Variants in ESPN observed in about 807,000 individuals in gnomAD.
ESPN encodes the protein espin, also known as autosomal recessive deafness type 36 protein.
ESPN carries 68 observed loss-of-function variants against 77.7 expected under a neutral mutation model. That is an observed-to-expected ratio of 0.87 (90% CI 0.72 to 1.07). The LOEUF (loss-of-function observed/expected upper bound fraction) is 1.07, where lower values mean the gene tolerates loss of function less well. Among genes scored for constraint, ESPN ranks in the 50% least tolerant of loss-of-function variants. The pLI is 0.00. For missense variants in ESPN, 1,060 were observed against 1,239.0 expected (o/e 0.86, Z 2.17); for synonymous variants, 449 against 567.1 (o/e 0.79, Z 2.96).
chr1:6,451,619 C>A lies in ESPN; in HGVS notation c.1932C>A (p.Asn644Lys). The change falls in exon 9 of 13, where the codon AAC becomes AAA. Residue 644 changes from asparagine to lysine, a missense_variant. Around this residue, in one of 3 missense-constraint regions of ESPN, gnomAD observed 374 missense variants for 381.4 expected, o/e 0.98. Coordinates refer to ENST00000645284, the MANE Select transcript of ESPN (RefSeq NM_031475.3). The surrounding 1 kb of genome is among the most constrained non-coding windows in gnomAD (Gnocchi z 4.3). ...SSSTGSTKSF[N>K]MMSPTGDNSE... Reference sequence around the variant, plus strand: ...TCCGCATAGGCACCAAGTCTTTCAACATGATGTCCCCGACGGGCGACAACT... The same window carrying A: ...TCCGCATAGGCACCAAGTCTTTCAAAATGATGTCCCCGACGGGCGACAACT... 1.2e-6 allele frequency: 2 copies of A among 1,613,088 alleles called. No individual in the cohort carries two copies. Among genetic ancestry groups the A allele is most frequent in the Non-Finnish European group, 1.7e-6 (2 of 1,179,888 alleles).
chr1:6,440,202 C>A (rs1433814320), intron 2 of ESPN, 52 bp from the exon 3 acceptor site: 3 of 1,530,420 alleles, frequency 2.0e-6, no homozygotes, highest in African/African-American at 2.8e-5. Context: ...GTAAGAAGGC[C>A]TCGGAGGGGG....
rs1405266620 is a variant in ESPN at position 6,442,612 on chromosome 1, G to C, written c.990+1547G>C. ...AGGCTGGGCACGGTGGCTCACGCCT[G>C]TAATCCTAGCACTTTGGGAGGCTGA... On this transcript the variant is annotated intron_variant, in intron 5 of 12. Coordinates refer to ENST00000645284, the MANE Select transcript of ESPN (RefSeq NM_031475.3). Among the ~76,000 whole-genome samples, 4 of 149,698 alleles carry C rather than the reference G, an allele frequency of 2.7e-5. No homozygotes were observed. The Admixed American group carries it at 2.7e-4, about 10-fold the overall frequency.
Position 6,428,739 on chromosome 1 carries a change from G to A in ESPN, c.488+320G>A, listed in dbSNP as rs185997281. Reference sequence around the variant, plus strand: ...CTGTTCCCCTTGGGCTGCTTCTGCCGCAGGGGCTCTCTCTGGCTCAGGCTG... The same window carrying A: ...CTGTTCCCCTTGGGCTGCTTCTGCCACAGGGGCTCTCTCTGGCTCAGGCTG... On this transcript the variant is annotated intron_variant, in intron 2 of 12. Transcript: ENST00000645284. This position sits in a 1 kb window ranked among gnomAD's most constrained non-coding sequence, Gnocchi z 5.4. Among the ~76,000 whole-genome samples, 582 of 152,312 alleles carry A rather than the reference G, an allele frequency of 3.8e-3. 3 individuals are homozygous for A. Among genetic ancestry groups the A allele is most frequent in the African/African-American group, 0.013 (556 of 41,566 alleles).
rs756674296 is a variant in ESPN, at chr1:6,451,620, A to C, written c.1933A>C (p.Met645Leu). Residue 645 changes from methionine (M) to leucine (L), a missense_variant, in exon 9 of 13, where the codon ATG (methionine) becomes CTG (leucine). By Grantham distance (15) the Met-to-Leu change is conservative. Coordinates refer to ENST00000645284, the MANE Select transcript of ESPN (RefSeq NM_031475.3). This position sits in a 1 kb window ranked among gnomAD's most constrained non-coding sequence, Gnocchi z 4.3. Reference sequence around the variant, plus strand: ...CCGCATAGGCACCAAGTCTTTCAACATGATGTCCCCGACGGGCGACAACTC... The same window carrying C: ...CCGCATAGGCACCAAGTCTTTCAACCTGATGTCCCCGACGGGCGACAACTC... ...SSTGSTKSFN[M>L]MSPTGDNSEL... 5 of 1,613,004 alleles carry C rather than the reference A, an allele frequency of 3.1e-6. No homozygotes were observed. Among genetic ancestry groups the C allele is most frequent in the Non-Finnish European group, 3.4e-6 (4 of 1,179,912 alleles).
chr1:6,430,291 G>A (rs1182579501), intron 2 of ESPN, among the ~76,000 whole-genome samples: 2 of 152,228 alleles, frequency 1.3e-5, no homozygotes, highest in Non-Finnish European at 2.9e-5. Flanking sequence ...GAGGGAGGAA[G>A]GGCTCCCGGA....
At chr1:6,457,043 A>G in intron 10 of ESPN, 141 bp from the exon 11 acceptor site, 1 of 844,656 alleles carries the variant, frequency 1.2e-6, no homozygotes, top group Non-Finnish European at 2.0e-6. Flanking sequence ...GGGTGTGACC[A>G]GGCACCTCCA....
chr1:6,441,115 C>T (rs1349986629), intron 5 of ESPN, 50 bp downstream of exon 5: 2 of 1,588,898 alleles, frequency 1.3e-6, no homozygotes, highest in East Asian at 4.5e-5. Context: ...CGCCCCTCCA[C>T]CCCAGTGGTG....
intron 12 of ESPN, among the ~76,000 whole-genome samples, chr1:6,459,525 G>C (rs1342266417): frequency 6.6e-6 from 1 of 151,988 alleles, no homozygotes; most frequent in East Asian, 1.9e-4. Context: ...TGACTACTCT[G>C]TCAACAGGCA....
Position 6,460,373 on chromosome 1 carries a change from A to G in ESPN, c.*227A>G. 1 of 577,540 alleles carries G rather than the reference A, an allele frequency of 1.7e-6. No homozygotes were observed. The highest frequency in any genetic ancestry group is 2.9e-5 in the East Asian group (1 of 33,942). The allele number at this position is 577,540 out of a possible 1,614,324, so 35.8% of individuals were successfully genotyped here. A position where few individuals can be genotyped will look rare whatever the true frequency, so the allele number is the denominator to read the frequency against. On this transcript the variant is annotated 3_prime_UTR_variant, in exon 13 of 13. Coordinates refer to ENST00000645284, the MANE Select transcript of ESPN (RefSeq NM_031475.3). ...AAAAAGTGCCCAAGCTGCTGACGCA[A>G]ACAACAACAAATGCTGCTTATTTGC...
At chr1:6,441,357 G>C (rs920329555) in intron 5 of ESPN, among the ~76,000 whole-genome samples, 1 of 152,228 alleles carries the variant, frequency 6.6e-6, no homozygotes, top group African/African-American at 2.4e-5. Flanking sequence ...CCTACCCATA[G>C]ACATTAGCTT....
Position 6,448,637 on chromosome 1 carries a change from G to T in ESPN, c.1465-4G>T, listed in dbSNP as rs773580471. On this transcript the variant is annotated splice_polypyrimidine_tract_variant and splice_region_variant and intron_variant, in intron 7 of 12. Transcript: ENST00000645284. ...GAGCCCCACCGGTCACTGTCTTCCC[G>T]CAGCTGAGCTCCTGTGACGGCCACG... The T allele has an allele frequency of 4.5e-6, 7 of 1,558,800 alleles. No individual in the cohort carries two copies. The highest frequency in any genetic ancestry group is 5.2e-6 in the Non-Finnish European group (6 of 1,163,360).
At chr1:6,439,832 A>C (rs1031149002) in intron 2 of ESPN, among the ~76,000 whole-genome samples, 1 of 151,994 alleles carries the variant, frequency 6.6e-6, no homozygotes, top group Non-Finnish European at 1.5e-5. Context: ...ACATGGTGAA[A>C]CCCTGTCCCT....
At chr1:6,444,285 C>G in intron 5 of ESPN, among the ~76,000 whole-genome samples, 196 bp from the exon 6 acceptor site, 1 of 152,190 alleles carries the variant, frequency 6.6e-6, no homozygotes, top group East Asian at 1.9e-4. Flanking sequence ...CTGGGTCCTG[C>G]TGCCTGGCGG....
rs149996190 is a variant in ESPN, at chr1:6,445,743, G to C, written c.1272G>C (p.Thr424=). The change falls in exon 7 of 13, where the codon ACG becomes ACC. Residue 424 remains threonine, a synonymous_variant. Transcript: ENST00000645284. ...LNPELGLPRG[T]IGKPTPPPPP... ...CGGAGCTGGGCCTGCCTCGGGGCAC[G>C]ATTGGGAAGCCCACACCCCCACCAC... 120 of 1,606,582 alleles carry C rather than the reference G, an allele frequency of 7.5e-5. No homozygotes were observed. The African/African-American group carries it at 1.5e-3, about 20-fold the overall frequency.
chr1:6,460,347 G>A lies in ESPN; in HGVS notation c.*201G>A. 1.6e-6 allele frequency: 1 copy of A among 632,448 alleles called. No individual in the cohort carries two copies. Among genetic ancestry groups the A allele is most frequent in the Non-Finnish European group, 2.7e-6 (1 of 369,262 alleles). The allele number at this position is 632,448 out of a possible 1,614,324, so 39.2% of individuals were successfully genotyped here. On this transcript the variant is annotated 3_prime_UTR_variant, in exon 13 of 13. Transcript: ENST00000645284. ...GTGCACACGCCGCCACGGTTGCCCA[G>A]AAAAAGTGCCCAAGCTGCTGACGCA...
At chr1:6,425,706 G>A (rs1029513839) in intron 1 of ESPN, among the ~76,000 whole-genome samples, 5 of 152,188 alleles carry the variant, frequency 3.3e-5, no homozygotes, top group African/African-American at 1.2e-4. Flanking sequence ...TGGGGGAAGG[G>A]TGATGAGCCG....
At chr1:6,425,993 T>A (rs1208131757) in intron 1 of ESPN, among the ~76,000 whole-genome samples, 1 of 151,788 alleles carries the variant, frequency 6.6e-6, no homozygotes, top group Non-Finnish European at 1.5e-5. Flanking sequence ...ATGTTCAGAG[T>A]GGGTGAGGAA....
rs772527378 is a variant in ESPN at position 6,445,643 on chromosome 1, CCCTT to C, written c.1193-15_1193-12del. On this transcript the variant is annotated splice_polypyrimidine_tract_variant and intron_variant, in intron 6 of 12. Transcript: ENST00000645284. ...CCTGTCTGCATGCTCCCAAATCTGGCCCTTCCTTCTGCCTCCCCAGGGCTTTCCA... is the reference window on the plus strand; with the variant it reads ...CCTGTCTGCATGCTCCCAAATCTGGCCCTTCTGCCTCCCCAGGGCTTTCCA... 29 of 1,610,022 alleles carry C rather than the reference CCCTT, an allele frequency of 1.8e-5. No homozygotes were observed. The highest frequency in any genetic ancestry group is 2.5e-5 in the Non-Finnish European group (29 of 1,178,736).
At chr1:6,433,640 C>G (rs74049569) in intron 2 of ESPN, among the ~76,000 whole-genome samples, 3,945 of 152,004 alleles carry the variant, frequency 0.026, 165 homozygotes, top group African/African-American at 0.09. Flanking sequence ...CCATCACAGG[C>G]TTCTGACCAC....
Sources: gnomAD v4.1 joint callset for allele counts (sites outside exome capture counted in the v4.1 genomes callset) on GRCh38, gnomAD v4.1.1 for gene constraint, gnomAD v4.1.1 regional missense constraint, Gnocchi (gnomAD v3.1) non-coding constraint, MANE v1.5 for transcripts, NCBI Gene and HGNC (gene_info 2026-07-23, HGNC 2026-07-21) for gene names.